The following TRIO variants were observed in gnomAD, a reference collection of about 807,000 sequenced individuals.
TRIO encodes triple functional domain protein.
Under a neutral mutation model 351.9 loss-of-function variants are expected in TRIO, and 58 were observed. That is an observed-to-expected ratio of 0.16 (90% CI 0.13 to 0.21). TRIO has a LOEUF of 0.21. Among genes scored for constraint, TRIO ranks in the 10% least tolerant of loss-of-function variants. The probability of loss-of-function intolerance (pLI) is 1.00; values close to 1 mark genes in which losing one functional copy is unlikely to be tolerated. For synonymous variants in TRIO, 1,758 were observed against 1,595.7 expected, an observed-to-expected ratio of 1.10 and a Z score of -2.42; for missense variants, 3,201 against 4,027.8, an observed-to-expected ratio of 0.79 and a Z score of 5.56.
chr5:14,401,242 T>G (rs1748044018), intron 31 of TRIO, among the ~76,000 whole-genome samples, 178 bp downstream of exon 31: 1 of 152,250 alleles, frequency 6.6e-6, no homozygotes, highest in South Asian at 2.1e-4. Context: ...TTTGGTGTTC[T>G]GGTGATGAAA....
intron 34 of TRIO, among the ~76,000 whole-genome samples, chr5:14,426,613 A>G (rs1750660117): frequency 6.6e-6 from 1 of 152,218 alleles, no homozygotes; most frequent in Non-Finnish European, 1.5e-5. Flanking sequence ...TAAAAATGGG[A>G]TAGAGGAACT....
At chr5:14,406,851 A>AC (rs1455499760) in intron 33 of TRIO, among the ~76,000 whole-genome samples, 179 bp downstream of exon 33, 2 of 151,960 alleles carry the variant, frequency 1.3e-5, no homozygotes, top group Non-Finnish European at 2.9e-5. Flanking sequence ...GGGTGAGAAG[A>AC]CCTGAACCCT....
chr5:14,237,809 T>C (rs1186262776), intron 1 of TRIO, among the ~76,000 whole-genome samples: 1 of 152,212 alleles, frequency 6.6e-6, no homozygotes, highest in Non-Finnish European at 1.5e-5. Context: ...TAGCTAGGTT[T>C]TGAAAAGAGA....
chr5:14,461,789 T>A (rs1435014883), intron 35 of TRIO, among the ~76,000 whole-genome samples: 1 of 152,242 alleles, frequency 6.6e-6, no homozygotes, highest in Non-Finnish European at 1.5e-5. Flanking sequence ...ACTTTCCAAT[T>A]GTTTTTCCCC....
At chr5:14,205,162 C>T (rs1024763053) in intron 1 of TRIO, among the ~76,000 whole-genome samples, 16 of 152,210 alleles carry the variant, frequency 1.1e-4, no homozygotes, top group Admixed American at 6.5e-4. Flanking sequence ...CACAGAACAT[C>T]GTTGTGTAAC....
At chr5:14,225,066 T>C (rs1462104091) in intron 1 of TRIO, among the ~76,000 whole-genome samples, 4 of 152,146 alleles carry the variant, frequency 2.6e-5, no homozygotes, top group African/African-American at 9.7e-5. Flanking sequence ...ATGGAGATGG[T>C]GTGCTCCTTG....
intron 7 of TRIO, among the ~76,000 whole-genome samples, chr5:14,298,891 A>G (rs772890586): frequency 6.6e-6 from 1 of 152,234 alleles, no homozygotes; most frequent in Non-Finnish European, 1.5e-5. Flanking sequence ...AAATAAAACC[A>G]TCTTCATGAC....
intron 21 of TRIO, among the ~76,000 whole-genome samples, chr5:14,384,227 T>A (rs1245731481): frequency 2.0e-5 from 3 of 152,228 alleles, no homozygotes; most frequent in Non-Finnish European, 4.4e-5. Flanking sequence ...ATTGCCTTAC[T>A]GACGCCACAG....
At chr5:14,198,533 C>T (rs1790911519) in intron 1 of TRIO, among the ~76,000 whole-genome samples, 1 of 152,120 alleles carries the variant, frequency 6.6e-6, no homozygotes, top group South Asian at 2.1e-4. Context: ...AACAAGAAAA[C>T]CTTAATATGG....
At chr5:14,193,677 A>G (rs964697778) in intron 1 of TRIO, among the ~76,000 whole-genome samples, 2 of 152,148 alleles carry the variant, frequency 1.3e-5, no homozygotes, top group Non-Finnish European at 2.9e-5. Context: ...GTTCATGTCC[A>G]TTTTTGTTTT....
intron 1 of TRIO, among the ~76,000 whole-genome samples, chr5:14,196,104 A>C (rs1790753552): frequency 6.6e-6 from 1 of 152,170 alleles, no homozygotes; most frequent in Non-Finnish European, 1.5e-5. Context: ...CAAGGAAGAA[A>C]GGCTTTTTAA....
rs762460319 is a variant in TRIO, at chr5:14,461,040, A to G, written c.5225A>G (p.Asn1742Ser). The change falls in exon 35 of 57, where the codon AAT becomes AGT. Residue 1742 changes from asparagine to serine, a missense_variant. By Grantham distance (46) the Asn-to-Ser change is conservative. This residue lies in a region of TRIO where 193 missense variants were observed against 218.8 expected (regional missense o/e 0.88). Coordinates refer to ENST00000344204, the MANE Select transcript of TRIO (RefSeq NM_007118.4). ...NHKDSLSVSS[N>S]DASPPASVAS... The stretch of plus-strand genomic sequence containing the variant: ...GCAGACTCGCTCTCCGTCTCCAGCA[A>G]TGACGCCAGTCCACCCGCATCCGTG... The G allele has an allele frequency of 9.5e-6, 15 of 1,580,134 alleles. No homozygotes were observed. The African/African-American group carries it at 9.5e-5, about 10-fold the overall frequency.
At chr5:14,478,470 G>T (rs925001997) in intron 41 of TRIO, among the ~76,000 whole-genome samples, 1 of 152,108 alleles carries the variant, frequency 6.6e-6, no homozygotes, top group Non-Finnish European at 1.5e-5. Flanking sequence ...AGGACTCAGG[G>T]GGCCCTGGGG....
intron 41 of TRIO, 58 bp from the exon 42 acceptor site, chr5:14,479,203 G>A: frequency 7.1e-7 from 1 of 1,412,860 alleles, no homozygotes; most frequent in Non-Finnish European, 1.0e-6. Context: ...GGGTACTCGT[G>A]TATTCTAATC....
chr5:14,326,095 C>T (rs980764242), intron 9 of TRIO, among the ~76,000 whole-genome samples: 8 of 152,192 alleles, frequency 5.3e-5, no homozygotes, highest in Non-Finnish European at 1.0e-4. Flanking sequence ...CACACTCAGG[C>T]TTTCCCATAA....
At chr5:14,419,155 C>T (rs1749903786) in intron 33 of TRIO, among the ~76,000 whole-genome samples, 1 of 152,160 alleles carries the variant, frequency 6.6e-6, no homozygotes, top group African/African-American at 2.4e-5. Flanking sequence ...CCTGTGGTGC[C>T]TGCTGCGTGT....
intron 8 of TRIO, among the ~76,000 whole-genome samples, chr5:14,305,392 C>A (rs764515293): frequency 6.6e-6 from 1 of 152,198 alleles, no homozygotes; most frequent in African/African-American, 2.4e-5. Context: ...ATAATAGTTA[C>A]GTTCCTGGAG....
intron 1 of TRIO, among the ~76,000 whole-genome samples, chr5:14,159,906 A>G (rs369227881): frequency 3.3e-5 from 5 of 152,218 alleles, no homozygotes; most frequent in East Asian, 3.8e-4. Flanking sequence ...TCTGCTCACC[A>G]GCATATAGAC....
chr5:14,209,542 C>G (rs746085970), intron 1 of TRIO, among the ~76,000 whole-genome samples: 1 of 152,138 alleles, frequency 6.6e-6, no homozygotes, highest in Non-Finnish European at 1.5e-5. Context: ...CTCTTCCATG[C>G]TTGTATCGTA....
Sources: allele counts gnomAD v4.1 joint callset (sites outside exome capture counted in the v4.1 genomes callset), GRCh38; gene constraint gnomAD v4.1.1; regional missense constraint gnomAD v4.1.1; transcripts MANE v1.5; gene names NCBI Gene and HGNC (gene_info 2026-07-23, HGNC 2026-07-21).